GLG1: variants seen among roughly 807,000 people sequenced by gnomAD.
GLG1 encodes Golgi apparatus protein 1.
In GLG1, 38 loss-of-function variants were observed where a neutral mutation model predicts 160.5. That is an observed-to-expected ratio of 0.24 (90% CI 0.18 to 0.31). The LOEUF (loss-of-function observed/expected upper bound fraction) is 0.31. Ranked by LOEUF, GLG1 falls within the 10% of genes least tolerant of loss-of-function variation. The pLI is 1.00. For missense variants in GLG1, 1,373 were observed against 1,505.2 expected, an observed-to-expected ratio of 0.91 and a Z score of 1.45; for synonymous variants, 644 against 543.4, an observed-to-expected ratio of 1.19 and a Z score of -2.57.
chr16:74,583,866 T>C lies in GLG1; in HGVS notation c.438+22791A>G, dbSNP rs541412978. Among the ~76,000 whole-genome samples, 385 of 152,268 alleles carry C rather than the reference T, an allele frequency of 2.5e-3. 2 individuals carry two copies. Among genetic ancestry groups the C allele is most frequent in the African/African-American group, 8.9e-3 (371 of 41,560 alleles). ...GAAGGGGGAGCTGAGGGTATCATCA[T>C]CACCACATTCCCAGCACCTACAATT... is the stretch of plus-strand genomic sequence containing the variant. On this transcript the variant is annotated intron_variant, in intron 1 of 25. Transcript: ENST00000422840.
At chr16:74,553,613 C>G (rs1351312966) in intron 1 of GLG1, among the ~76,000 whole-genome samples, 8 of 151,710 alleles carry the variant, frequency 5.3e-5, no homozygotes, top group Non-Finnish European at 1.2e-4. Context: ...GCTGGGACTA[C>G]AGGTGCCTGC....
intron 1 of GLG1, chr16:74,563,342 A>T (rs1181236839): frequency 6.6e-6 from 1 of 152,244 alleles, no homozygotes. Flanking sequence ...GAAAAAGAAC[A>T]CTAGTGCTTG....
chr16:74,571,658 AG>A (rs11299414), intron 1 of GLG1, among the ~76,000 whole-genome samples: 107,563 of 148,396 alleles, frequency 0.72, 39,324 homozygotes, highest in African/African-American at 0.83. Flanking sequence ...CATCTCAAAA[AG>A]GAAAAAAAAA....
At chr16:74,471,069 C>T in intron 15 of GLG1, 104 bp downstream of exon 15, 1 of 750,306 alleles carries the variant, frequency 1.3e-6, no homozygotes, top group Non-Finnish European at 2.4e-6. Context: ...AAAAAAATGA[C>T]TTTTAACAGA....
At chr16:74,499,693 CACT>C (rs1461302750) in intron 4 of GLG1, among the ~76,000 whole-genome samples, 17 of 152,148 alleles carry the variant, frequency 1.1e-4, no homozygotes. Flanking sequence ...AATGTAACTA[CACT>C]GGCATTAGGT....
At chr16:74,494,178 AAAACAAAAAC>A (rs1401205999) in intron 6 of GLG1, among the ~76,000 whole-genome samples, 2 of 150,696 alleles carry the variant, frequency 1.3e-5, no homozygotes, top group Non-Finnish European at 3.0e-5. Context: ...CACTCAAAAA[AAAACAAAAAC>A]AAAACAAAAC....
rs764759647 is a variant in GLG1, at chr16:74,494,772, G to A, written c.1038C>T (p.Ser346=). Residue 346 remains serine, a synonymous_variant, in exon 6 of 26, where the codon TCC becomes TCT. Transcript: ENST00000422840. ...KCLFNHKFEE[S]MSEKCREALT... is the part of the protein sequence containing the mutation. Reference sequence around the variant, plus strand: ...AAATAATACTTACCTTTTCACTCATGGATTCTTCAAATTTATGGTTAAAGA... The same window carrying A: ...AAATAATACTTACCTTTTCACTCATAGATTCTTCAAATTTATGGTTAAAGA... 1.4e-6 allele frequency: 2 copies of A among 1,416,048 alleles called. No homozygotes were observed. Among genetic ancestry groups the A allele is most frequent in the South Asian group, 2.3e-5 (2 of 87,016 alleles). 87.7% of individuals were successfully genotyped at this position (1,416,048 alleles called of 1,614,324 possible).
At chr16:74,528,940 C>T (rs1026596713) in intron 2 of GLG1, among the ~76,000 whole-genome samples, 1 of 148,910 alleles carries the variant, frequency 6.7e-6, no homozygotes, top group Non-Finnish European at 1.5e-5. Flanking sequence ...ATTATTTCTT[C>T]GAATACTGCT....
chr16:74,515,231 T>G (rs7195730), intron 2 of GLG1, among the ~76,000 whole-genome samples: 146,352 of 152,154 alleles, frequency 0.96, 70,610 homozygotes, highest in Non-Finnish European at 1. Context: ...ATAATAGACA[T>G]ATCAACGAGA....
intron 2 of GLG1, among the ~76,000 whole-genome samples, chr16:74,527,266 T>TTTTGGGTG (rs2017367768): frequency 6.9e-6 from 1 of 144,558 alleles, no homozygotes; most frequent in African/African-American, 2.6e-5. Context: ...TTTTTTTTTT[T>TTTTGGGTG]GAGATGGAGT....
intron 13 of GLG1, among the ~76,000 whole-genome samples, chr16:74,473,567 G>C (rs1030696550): frequency 5.3e-5 from 8 of 151,064 alleles, no homozygotes; most frequent in Non-Finnish European, 1.2e-4. Flanking sequence ...AGCCTCCCGA[G>C]TAGCTGGGAC....
In GLG1 at chr16:74,534,763, G is replaced by A. The variant is rs561371182; in HGVS notation, c.439-2610C>T. Among the ~76,000 whole-genome samples the A allele has an allele frequency of 2.0e-4, 31 of 152,212 alleles. No homozygotes were observed. In the South Asian group the frequency reaches 3.3e-3, roughly 16 times the overall value. ...TGAGTATACACCCGGCTCCGCTGAC[G>A]TTGAGCAAATCAAGATAGCAAAAGA... On this transcript the variant is annotated intron_variant, in intron 1 of 25. Transcript: ENST00000422840.
At chr16:74,485,395 T>C (rs902686867) in intron 9 of GLG1, among the ~76,000 whole-genome samples, 5 of 152,214 alleles carry the variant, frequency 3.3e-5, no homozygotes, top group African/African-American at 1.2e-4. Flanking sequence ...TTTCTGATGA[T>C]TACCAGGTAG....
chr16:74,500,459 G>A (rs1440817026), intron 4 of GLG1, among the ~76,000 whole-genome samples: 1 of 148,928 alleles, frequency 6.7e-6, no homozygotes, highest in Non-Finnish European at 1.5e-5. Flanking sequence ...TAACAACAAC[G>A]GCCCCCACAA....
intron 1 of GLG1, among the ~76,000 whole-genome samples, chr16:74,576,899 T>C (rs1350846895): frequency 6.6e-6 from 1 of 151,062 alleles, no homozygotes; most frequent in Non-Finnish European, 1.5e-5. Flanking sequence ...CCATGTACCC[T>C]GCATATAAAT....
rs144548616 is a variant in GLG1 at position 74,460,933 on chromosome 16, C to G, written c.3037-1144G>C. Among the ~76,000 whole-genome samples the G allele has an allele frequency of 7.2e-4, 110 of 152,318 alleles. 1 individual carries two copies. Among genetic ancestry groups the G allele is most frequent in the African/African-American group, 2.3e-3 (96 of 41,562 alleles). On this transcript the variant is annotated intron_variant, in intron 22 of 25. Transcript: ENST00000422840. The stretch of plus-strand genomic sequence containing the variant: ...CTCTCAACTTGAAAGTGTGCACACG[C>G]GCGTACCCGCACACACACGCACACA...
intron 4 of GLG1, among the ~76,000 whole-genome samples, chr16:74,498,448 G>GTATATATATATATATA (rs61033032): frequency 0.022 from 523 of 24,030 alleles, 88 homozygotes; most frequent in South Asian, 0.03. Flanking sequence ...AAAAAAAAAA[G>GTATATATATATATATA]TATATATATA....
intron 4 of GLG1, among the ~76,000 whole-genome samples, chr16:74,498,682 T>C (rs1597271304): frequency 1.3e-5 from 2 of 148,424 alleles, no homozygotes; most frequent in East Asian, 4.0e-4. Context: ...CTGGCCAACA[T>C]GGTGAAACCC....
At chr16:74,454,154 T>C (rs574021867) in intron 25 of GLG1, among the ~76,000 whole-genome samples, 1,629 of 151,992 alleles carry the variant, frequency 0.011, 17 homozygotes, top group Non-Finnish European at 0.02. Flanking sequence ...ATTACAGGCA[T>C]GAGCCACTGC....
Sources: allele counts gnomAD v4.1 joint callset (sites outside exome capture counted in the v4.1 genomes callset), GRCh38; gene constraint gnomAD v4.1.1; transcripts MANE v1.5; gene names NCBI Gene and HGNC (gene_info 2026-07-23, HGNC 2026-07-21).